MED16: variants seen among roughly 807,000 people sequenced by gnomAD.
MED16 encodes the protein mediator complex subunit 16.
A neutral mutation model predicts 84.4 loss-of-function variants in MED16; 81 were observed. The observed-to-expected ratio is 0.96, with a 90% CI of 0.80 to 1.15. The LOEUF is 1.15. Ranked by LOEUF, MED16 falls within the 50% of genes most tolerant of loss-of-function variation. MED16 has a pLI of 0.00. For missense variants in MED16, 1,585 were observed against 1,245.9 expected, an observed-to-expected ratio of 1.27 and a Z score of -4.10; for synonymous variants, 897 against 552.2, an observed-to-expected ratio of 1.62 and a Z score of -8.76.
chr19:877,645 G>T (rs376598392), intron 8 of MED16, among the ~76,000 whole-genome samples: 1 of 102,490 alleles, frequency 9.8e-6, no homozygotes, highest in Non-Finnish European at 2.2e-5. Flanking sequence ...CACCCTCCCA[G>T]CCCCAGCCCC....
chr19:891,710 G>A (rs1181735840), intron 1 of MED16, among the ~76,000 whole-genome samples: 25 of 121,634 alleles, frequency 2.1e-4, no homozygotes, highest in African/African-American at 7.8e-4. Flanking sequence ...TGAGTGTGAC[G>A]GGGAACACCT....
chr19:887,094 A>AG (rs2036541360), intron 4 of MED16, among the ~76,000 whole-genome samples: 1 of 151,822 alleles, frequency 6.6e-6, no homozygotes, highest in African/African-American at 2.4e-5. Flanking sequence ...ACAAAAAAAA[A>AG]AAGAACAAGA....
At chr19:879,883 T>A (rs1432822597) in intron 8 of MED16, 54 bp downstream of exon 8, 1 of 1,133,120 alleles carries the variant, frequency 8.8e-7, no homozygotes, top group Non-Finnish European at 1.1e-6. Context: ...CAGCTCGCCT[T>A]CCCCTGGTTG....
intron 4 of MED16, among the ~76,000 whole-genome samples, chr19:888,751 G>A (rs548741796): frequency 1.3e-5 from 2 of 152,264 alleles, no homozygotes; most frequent in East Asian, 1.9e-4. Flanking sequence ...CCCGTGGCAC[G>A]AAGCCGGTGC....
intron 2 of MED16, 48 bp from the exon 3 acceptor site, chr19:890,292 G>T: frequency 7.9e-7 from 1 of 1,264,218 alleles, no homozygotes; most frequent in South Asian, 1.5e-5. Flanking sequence ...ACAGCCTGCA[G>T]ACGATGACGA....
In MED16 at chr19:890,193, T is replaced by C; in HGVS notation, c.221A>G (p.His74Arg). ...ILDTEHPWDL[H>R]SIPSEHHEAI... ...CTCGTGGTGCTCTGAGGGGATCGAGTGCAGGTCCCAGGGGTGCTCCGTGTC... is the reference window on the plus strand; with the variant it reads ...CTCGTGGTGCTCTGAGGGGATCGAGCGCAGGTCCCAGGGGTGCTCCGTGTC... Residue 74 changes from histidine (H) to arginine (R), a missense_variant, in exon 3 of 16, where the codon CAC becomes CGC. By Grantham distance (29) the His-to-Arg change is conservative (BLOSUM62 0). Coordinates refer to ENST00000325464, the MANE Select transcript of MED16 (RefSeq NM_005481.3). The C allele has an allele frequency of 1.3e-6, 2 of 1,554,706 alleles. No homozygotes were observed. The highest frequency in any genetic ancestry group is 1.7e-6 in the Non-Finnish European group (2 of 1,149,102).
At chr19:882,717 A>G (rs921172062) in intron 6 of MED16, among the ~76,000 whole-genome samples, 1 of 152,192 alleles carries the variant, frequency 6.6e-6, no homozygotes, top group Admixed American at 6.5e-5. Flanking sequence ...CCACAGAAAC[A>G]GAAACAGTGC....
chr19:881,665 G>A lies in MED16; in HGVS notation c.1035C>T (p.Thr345=). The A allele has an allele frequency of 6.2e-7, 1 of 1,612,700 alleles. No homozygotes were observed. Among genetic ancestry groups the A allele is most frequent in the Non-Finnish European group, 8.5e-7 (1 of 1,179,846 alleles). ...CGGCCGACACACGGTCCAGATCGTTGGTGGCCGATAGGATCCGCCATTTGA... is the reference window on the plus strand; with the variant it reads ...CGGCCGACACACGGTCCAGATCGTTAGTGGCCGATAGGATCCGCCATTTGA... The part of the protein sequence containing the change: ...TILKWRILSA[T]NDLDRVSAVA... Residue 345 remains threonine (T), a synonymous_variant, in exon 7 of 16, where the codon ACC becomes ACT. Transcript: ENST00000325464.
chr19:880,055 C>T lies in MED16; in HGVS notation c.1235G>A (p.Arg412Lys), dbSNP rs760305285. The T allele has an allele frequency of 1.9e-6, 3 of 1,611,292 alleles. No homozygotes were observed. The highest frequency in any genetic ancestry group is 1.3e-5 in the African/African-American group (1 of 75,050). ...MAVFYSSAAP[R>K]PVDEPAMKRP... ...CTTCATGGCCGGCTCATCCACAGGC[C>T]TCGGGGCCGCGGAGCTGTAGAAGAC... is the stretch of plus-strand genomic sequence containing the variant. Residue 412 changes from arginine to lysine, a missense_variant, in exon 8 of 16, where the codon AGG (arginine) becomes AAG (lysine). By Grantham distance (26) the Arg-to-Lys change is conservative. Transcript: ENST00000325464.
intron 6 of MED16, among the ~76,000 whole-genome samples, chr19:884,348 C>T (rs1439461303): frequency 2.0e-5 from 3 of 151,620 alleles, no homozygotes; most frequent in Admixed American, 6.6e-5. Flanking sequence ...GGCTTGGCTC[C>T]GTGGGTGCGG....
chr19:872,409 G>T (rs560725353), intron 11 of MED16, among the ~76,000 whole-genome samples: 1 of 152,178 alleles, frequency 6.6e-6, no homozygotes, highest in African/African-American at 2.4e-5. Flanking sequence ...TGCACGTGGA[G>T]GAGCAGCCGC....
chr19:875,099 G>C (rs1228443044), intron 10 of MED16, 145 bp downstream of exon 10: 2 of 511,960 alleles, frequency 3.9e-6, no homozygotes, highest in Non-Finnish European at 6.4e-6. Flanking sequence ...GAGAGGCGGA[G>C]GCTGCAGTGA....
intron 3 of MED16, 24 bp downstream of exon 3, chr19:890,113 G>A (rs749267974): frequency 6.6e-7 from 1 of 1,523,226 alleles, no homozygotes; most frequent in Non-Finnish European, 8.9e-7. Flanking sequence ...CGCCACCCCT[G>A]GCCACGTGGG....
chr19:884,645 C>T (rs900230149), intron 6 of MED16, among the ~76,000 whole-genome samples: 7 of 152,204 alleles, frequency 4.6e-5, no homozygotes, highest in East Asian at 1.9e-4. Context: ...CTCTCAGCCT[C>T]GGCCTCGCAC....
intron 14 of MED16, 71 bp downstream of exon 14, chr19:868,792 G>C (rs866920063): frequency 9.6e-6 from 14 of 1,465,260 alleles, no homozygotes; most frequent in East Asian, 4.9e-5. Flanking sequence ...AGCGCTGGGT[G>C]GGGGCTAGAA....
intron 6 of MED16, among the ~76,000 whole-genome samples, chr19:882,145 G>GCC (rs1336347597): frequency 1.3e-5 from 2 of 152,244 alleles, no homozygotes; most frequent in Non-Finnish European, 2.9e-5. Context: ...CTGCCTGACA[G>GCC]CCCCTGCGTG....
At chr19:870,491 G>A (rs1346055586) in intron 13 of MED16, among the ~76,000 whole-genome samples, 3 of 151,596 alleles carry the variant, frequency 2.0e-5, no homozygotes, top group Non-Finnish European at 4.4e-5. Flanking sequence ...AACCCGAGAG[G>A]CAGACGTTGC....
intron 10 of MED16, 79 bp downstream of exon 10, chr19:875,163 CAA>C (rs1002428039): frequency 6.8e-6 from 7 of 1,030,698 alleles, no homozygotes; most frequent in Admixed American, 6.2e-5. Flanking sequence ...GACCCTATCT[CAA>C]AAGAGTAAAA....
intron 4 of MED16, among the ~76,000 whole-genome samples, chr19:889,242 T>G (rs970885794): frequency 6.6e-6 from 1 of 151,696 alleles, no homozygotes; most frequent in African/African-American, 2.4e-5. Context: ...ACAGGGAGCA[T>G]AGAGAGGGGC....
Sources: gnomAD v4.1 joint callset for allele counts (sites outside exome capture counted in the v4.1 genomes callset) on GRCh38, gnomAD v4.1.1 for gene constraint, MANE v1.5 for transcripts, NCBI Gene and HGNC (gene_info 2026-07-23, HGNC 2026-07-21) for gene names.